CRIM1: variants seen among roughly 807,000 people sequenced by gnomAD.
CRIM1 encodes the protein cysteine-rich motor neuron 1 protein.
CRIM1 carries 32 observed loss-of-function variants against 116.4 expected under a neutral mutation model. That is an observed-to-expected ratio of 0.27 (90% CI 0.21 to 0.37). The LOEUF (loss-of-function observed/expected upper bound fraction) is 0.37, where lower values mean the gene tolerates loss of function less well. CRIM1 is among the 10% of genes least tolerant of loss of function. CRIM1 has a pLI of 1.00. For synonymous variants in CRIM1, 590 were observed against 509.2 expected (o/e 1.16, Z -2.13); for missense variants, 1,331 against 1,354.8 (o/e 0.98, Z 0.28).
Position 36,387,616 on chromosome 2 carries a change from T to C in CRIM1, c.332-8998T>C, listed in dbSNP as rs143097028. On this transcript the variant is annotated intron_variant, in intron 1 of 16. Coordinates refer to ENST00000280527, the MANE Select transcript of CRIM1 (RefSeq NM_016441.3). ...GCCACAAAGTGCAGCTAGGAAAACA[T>C]GTAAATGGGCATTAAATACCTACCT... Among the ~76,000 whole-genome samples, 332 of 152,322 alleles carry C rather than the reference T, an allele frequency of 2.2e-3. 1 individual carries two copies. Among genetic ancestry groups the C allele is most frequent in the Middle Eastern group, 0.01 (3 of 294 alleles).
intron 2 of CRIM1, among the ~76,000 whole-genome samples, chr2:36,434,299 G>A (rs537130485): frequency 6.6e-5 from 10 of 152,302 alleles, no homozygotes; most frequent in African/African-American, 2.2e-4. Context: ...ATGAGGATAC[G>A]CTAAAGACAC....
chr2:36,503,556 C>T (rs752211167), intron 8 of CRIM1, among the ~76,000 whole-genome samples: 9 of 152,000 alleles, frequency 5.9e-5, no homozygotes, highest in Non-Finnish European at 8.8e-5. Flanking sequence ...TGTTCCCACC[C>T]CATCAGCCTG....
chr2:36,515,019 AGT>A (rs1291448448), intron 11 of CRIM1, among the ~76,000 whole-genome samples: 1 of 152,182 alleles, frequency 6.6e-6, no homozygotes, highest in East Asian at 1.9e-4. Context: ...TTGCTAGTTA[AGT>A]GTGAAAAACT....
chr2:36,357,528 G>C (rs575203997), intron 1 of CRIM1, among the ~76,000 whole-genome samples: 2 of 152,310 alleles, frequency 1.3e-5, no homozygotes, highest in South Asian at 2.1e-4. Context: ...GTTAGTGCGT[G>C]TTGGCTTTAA....
intron 2 of CRIM1, among the ~76,000 whole-genome samples, chr2:36,401,749 A>G (rs1672419523): frequency 6.6e-6 from 1 of 152,246 alleles, no homozygotes; most frequent in Non-Finnish European, 1.5e-5. Flanking sequence ...TAATTCAAGA[A>G]TTAATCAGAA....
chr2:36,450,986 A>AT (rs1420454105), intron 4 of CRIM1, among the ~76,000 whole-genome samples: 1 of 152,232 alleles, frequency 6.6e-6, no homozygotes, highest in Non-Finnish European at 1.5e-5. Context: ...GGCCAGCCGA[A>AT]TGGAATCTTT....
At position 36,446,433 on chromosome 2, in the gene CRIM1, A is replaced by G. The variant is rs1431034221; in HGVS notation, c.869+3698A>G. ...TTACTGTGCATGGGTTTCACTTTCC[A>G]CTTCTATCCCTCACAAATACTGGTT... On this transcript the variant is annotated intron_variant, in intron 4 of 16. Transcript: ENST00000280527. Among the ~76,000 whole-genome samples the G allele has an allele frequency of 7.2e-5, 11 of 152,298 alleles. No individual in the cohort carries two copies. The East Asian group carries it at 1.9e-3, about 27-fold the overall frequency.
chr2:36,398,590 C>T (rs527280434), intron 2 of CRIM1, among the ~76,000 whole-genome samples: 3 of 152,122 alleles, frequency 2.0e-5, no homozygotes, highest in Non-Finnish European at 2.9e-5. Context: ...GAATAATTAC[C>T]GTATCTGATT....
chr2:36,471,513 A>T (rs767386446), intron 5 of CRIM1, among the ~76,000 whole-genome samples: 1 of 152,188 alleles, frequency 6.6e-6, no homozygotes, highest in Non-Finnish European at 1.5e-5. Flanking sequence ...ATTACTATTT[A>T]CTGAAGGCTC....
intron 14 of CRIM1, 86 bp downstream of exon 14, chr2:36,537,632 T>C: frequency 7.2e-7 from 1 of 1,388,606 alleles, no homozygotes; most frequent in African/African-American, 1.4e-5. Context: ...GCCCCTTCTT[T>C]CATTCGTTCA....
intron 4 of CRIM1, among the ~76,000 whole-genome samples, chr2:36,451,580 A>G (rs1282145930): frequency 6.6e-6 from 1 of 152,184 alleles, no homozygotes; most frequent in African/African-American, 2.4e-5. Context: ...AAATGGAACG[A>G]GCAGCAGGAT....
At chr2:36,513,430 T>C (rs1357211116) in intron 10 of CRIM1, 126 bp from the exon 11 acceptor site, 1 of 702,406 alleles carries the variant, frequency 1.4e-6, no homozygotes. Flanking sequence ...ACATGTCCCA[T>C]GTCACAAACT....
intron 2 of CRIM1, among the ~76,000 whole-genome samples, chr2:36,435,173 G>A (rs2124915114): frequency 6.6e-6 from 1 of 152,266 alleles, no homozygotes; most frequent in South Asian, 2.1e-4. Context: ...ATCAGAGGGA[G>A]GTGTCGGAAA....
At chr2:36,387,429 A>T (rs976421842) in intron 1 of CRIM1, among the ~76,000 whole-genome samples, 3 of 152,228 alleles carry the variant, frequency 2.0e-5, no homozygotes, top group African/African-American at 7.2e-5. Flanking sequence ...TGGACATTCA[A>T]GTTCAGAGAC....
intron 14 of CRIM1, among the ~76,000 whole-genome samples, chr2:36,538,936 C>T (rs956989492): frequency 1.3e-5 from 2 of 152,146 alleles, no homozygotes; most frequent in African/African-American, 4.8e-5. Flanking sequence ...GAAACTTGAC[C>T]TTATTTATTT....
At chr2:36,495,424 T>C (rs182915098) in intron 7 of CRIM1, among the ~76,000 whole-genome samples, 24 of 152,122 alleles carry the variant, frequency 1.6e-4, no homozygotes, top group African/African-American at 5.5e-4. Context: ...GCAGAATGTA[T>C]ATTTCACATA....
chr2:36,544,722 T>C (rs1667192918), intron 15 of CRIM1, among the ~76,000 whole-genome samples: 1 of 152,224 alleles, frequency 6.6e-6, no homozygotes, highest in South Asian at 2.1e-4. Flanking sequence ...TGGCCCTCTG[T>C]GCTCAGAGAC....
At chr2:36,466,527 C>T (rs1678039878) in intron 5 of CRIM1, among the ~76,000 whole-genome samples, 1 of 152,192 alleles carries the variant, frequency 6.6e-6, no homozygotes, top group Non-Finnish European at 1.5e-5. Flanking sequence ...TCCCTGGGTT[C>T]CCAGCATCTC....
At chr2:36,516,847 C>T (rs1177896612) in intron 11 of CRIM1, among the ~76,000 whole-genome samples, 1 of 152,190 alleles carries the variant, frequency 6.6e-6, no homozygotes, top group Non-Finnish European at 1.5e-5. Flanking sequence ...TGCAGTTTCC[C>T]TCGTCTCTCC....
Sources: gnomAD v4.1 joint callset for allele counts (sites outside exome capture counted in the v4.1 genomes callset) on GRCh38, gnomAD v4.1.1 for gene constraint, MANE v1.5 for transcripts, NCBI Gene and HGNC (gene_info 2026-07-23, HGNC 2026-07-21) for gene names.